Variants in PHC2 observed in about 807,000 individuals in gnomAD.
PHC2 encodes polyhomeotic-like protein 2.
In PHC2, 29 loss-of-function variants were observed where a neutral mutation model predicts 87.4. The ratio of observed to expected loss-of-function variants is 0.33; its 90% CI spans 0.25 to 0.45. The LOEUF is 0.45. Ranked by LOEUF, PHC2 falls within the 20% of genes least tolerant of loss-of-function variation. The pLI is 1.00. For synonymous variants in PHC2, 438 were observed against 461.7 expected (o/e 0.95, Z 0.66); for missense variants, 857 against 1,136.7 (o/e 0.75, Z 3.54).
rs1646932802 is a variant in PHC2, at chr1:33,349,920, C to G, written c.1558+4481G>C. ...AATGCGGCGAGTCTGGGACGGCTCC[C>G]GCGGCCGCCTCCGCCGGGGGCGGGG... is the stretch of plus-strand genomic sequence containing the variant. On this transcript the variant is annotated intron_variant, in intron 9 of 14. Transcript: ENST00000683057. The surrounding 1 kb of genome is among the most constrained non-coding windows in gnomAD (Gnocchi z 4.2). The G allele has an allele frequency of 2.1e-6, 2 of 942,508 alleles. No homozygotes were observed. The highest frequency in any genetic ancestry group is 2.5e-6 in the Non-Finnish European group (2 of 794,998). The allele number at this position is 942,508 out of a possible 1,614,324, so 58.4% of individuals were successfully genotyped here.
intron 10 of PHC2, chr1:33,333,811 C>T: frequency 2.6e-6 from 1 of 387,020 alleles, no homozygotes; most frequent in Non-Finnish European, 4.6e-6. Flanking sequence ...CCCTTTTAAC[C>T]AAGGGTTCAC....
chr1:33,333,614 T>C (rs1404655419), intron 10 of PHC2: 9 of 165,552 alleles, frequency 5.4e-5, no homozygotes, highest in South Asian at 2.8e-4. Flanking sequence ...GAAAACAAGC[T>C]TCAGGTTGTG....
intron 9 of PHC2, among the ~76,000 whole-genome samples, chr1:33,348,746 A>G (rs1646894509): frequency 6.6e-6 from 1 of 152,188 alleles, no homozygotes; most frequent in Non-Finnish European, 1.5e-5. Context: ...AGATGAAAAG[A>G]GTGTGTTCCG....
chr1:33,430,578 G>T (rs1341120268), intron 1 of PHC2, among the ~76,000 whole-genome samples: 1 of 152,092 alleles, frequency 6.6e-6, no homozygotes, highest in Non-Finnish European at 1.5e-5. Context: ...CTCCGCAGGA[G>T]GGGGGTCGGT....
chr1:33,354,909 G>A lies in PHC2; in HGVS notation c.1321C>T (p.Pro441Ser), dbSNP rs769686110. The change falls in exon 8 of 15, where the codon CCC (proline) becomes TCC (serine). Residue 441 changes from proline (P) to serine (S), a missense_variant. Transcript: ENST00000683057. ...TGGAACCTGCGTTGAGGGGTGTGGGGCACGCCCTCGGGATGTCCATTCTGA... is the reference window on the plus strand; with the variant it reads ...TGGAACCTGCGTTGAGGGGTGTGGGACACGCCCTCGGGATGTCCATTCTGA... ...GPQNGHPEGV[P>S]HTPQRRFQHT... 6 of 1,614,166 alleles carry A rather than the reference G, an allele frequency of 3.7e-6. 1 individual carries two copies. The South Asian group carries it at 4.4e-5, about 12-fold the overall frequency.
At chr1:33,426,476 T>C (rs1201229344) in intron 1 of PHC2, among the ~76,000 whole-genome samples, 3 of 152,214 alleles carry the variant, frequency 2.0e-5, no homozygotes, top group Non-Finnish European at 4.4e-5. Flanking sequence ...CAAATGGGTA[T>C]ACCTGACTAC....
intron 4 of PHC2, 140 bp from the exon 5 acceptor site, chr1:33,370,725 G>A: frequency 3.6e-6 from 3 of 834,966 alleles, no homozygotes; most frequent in Non-Finnish European, 5.6e-6. Context: ...CCTTGGCTTT[G>A]GAGCAATCCC....
chr1:33,419,469 C>A (rs1033064472), intron 1 of PHC2, among the ~76,000 whole-genome samples: 1 of 152,188 alleles, frequency 6.6e-6, no homozygotes. Context: ...CCACTCTTTG[C>A]CTCTGTGTTT....
chr1:33,332,877 C>T lies in PHC2; in HGVS notation c.1762-473G>A, dbSNP rs1294435477. ...TGACCCAAGCCAGAGGTACAGGCCG[C>T]CACAGAGTATAGCAGGAAAAAACAG... On this transcript the variant is annotated intron_variant, in intron 10 of 14. Coordinates refer to ENST00000683057, the MANE Select transcript of PHC2 (RefSeq NM_001385109.1). The surrounding 1 kb of genome is among the most constrained non-coding windows in gnomAD (Gnocchi z 4.2). Among the ~76,000 whole-genome samples, 1 of 152,156 alleles carries T rather than the reference C, an allele frequency of 6.6e-6. No homozygotes were observed. The highest frequency in any genetic ancestry group is 1.5e-5 in the Non-Finnish European group (1 of 68,034).
Position 33,324,645 on chromosome 1 carries a change from A to C in PHC2, c.*220T>G. ...GTGCTATCAATATTTACAAGCATAA[A>C]GCCCCATCTTCTGTGCCACCTACCT... On this transcript the variant is annotated 3_prime_UTR_variant, in exon 15 of 15. Coordinates refer to ENST00000683057, the MANE Select transcript of PHC2 (RefSeq NM_001385109.1). 2.1e-6 allele frequency: 1 copy of C among 473,008 alleles called. No individual in the cohort carries two copies. 29.3% of individuals were successfully genotyped at this position (473,008 alleles called of 1,614,324 possible).
intron 6 of PHC2, 92 bp from the exon 7 acceptor site, chr1:33,367,520 G>A: frequency 1.0e-6 from 1 of 997,168 alleles, no homozygotes; most frequent in Non-Finnish European, 1.5e-6. Context: ...ATCCAGGAAT[G>A]GCTGAATAGA....
intron 14 of PHC2, among the ~76,000 whole-genome samples, chr1:33,327,128 T>A (rs1557814916): frequency 6.6e-6 from 1 of 152,182 alleles, no homozygotes. Flanking sequence ...AATGCCACCA[T>A]AAACCCTAGC....
At position 33,323,760 on chromosome 1, in the gene PHC2, G is replaced by A. The variant is rs1053097110; in HGVS notation, c.*1105C>T. 4 of 152,668 alleles carry A rather than the reference G, an allele frequency of 2.6e-5. No individual in the cohort carries two copies. The highest frequency in any genetic ancestry group is 4.8e-5 in the African/African-American group (2 of 41,462). 9.5% of individuals were successfully genotyped at this position (152,668 alleles called of 1,614,324 possible). On this transcript the variant is annotated 3_prime_UTR_variant, in exon 15 of 15. Transcript: ENST00000683057. The stretch of plus-strand genomic sequence containing the variant: ...CCTACCTCCTTCCTGCAAAGGACAC[G>A]GCAGGTCAGAGGCAGGCCCTCGCCC...
At chr1:33,404,807 A>G (rs977510234) in intron 1 of PHC2, among the ~76,000 whole-genome samples, 19 of 152,236 alleles carry the variant, frequency 1.2e-4, no homozygotes, top group Non-Finnish European at 2.6e-4. Context: ...GATATGAAGA[A>G]TAACAGGTTG....
At chr1:33,386,219 A>AT (rs1648739214) in intron 1 of PHC2, among the ~76,000 whole-genome samples, 1 of 151,944 alleles carries the variant, frequency 6.6e-6, no homozygotes, top group Non-Finnish European at 1.5e-5. Context: ...AAAGACTGCT[A>AT]TAAAAAAAAG....
In PHC2 at chr1:33,372,624, G is replaced by A. The variant is rs141109167; in HGVS notation, c.175-177C>T. 3.8e-3 allele frequency among the ~76,000 whole-genome samples: 569 copies of A among 151,316 alleles called. 5 individuals carry two copies. Among genetic ancestry groups the A allele is most frequent in the African/African-American group, 0.013 (539 of 40,766 alleles). On this transcript the variant is annotated intron_variant, in intron 2 of 14. Coordinates refer to ENST00000683057, the MANE Select transcript of PHC2 (RefSeq NM_001385109.1). Reference sequence around the variant, plus strand: ...TAGGGCAGTGGGAGGACAGCTGTTCGCAGAGCTTCTTCATCATGTCTAACT... The same window carrying A: ...TAGGGCAGTGGGAGGACAGCTGTTCACAGAGCTTCTTCATCATGTCTAACT...
At chr1:33,414,160 T>C (rs192610808) in intron 1 of PHC2, among the ~76,000 whole-genome samples, 2 of 147,194 alleles carry the variant, frequency 1.4e-5, no homozygotes, top group Non-Finnish European at 1.5e-5. Context: ...TGTTTACATA[T>C]GTATTCTCTC....
At chr1:33,420,400 GA>G (rs1650387859) in intron 1 of PHC2, among the ~76,000 whole-genome samples, 1 of 152,104 alleles carries the variant, frequency 6.6e-6, no homozygotes, top group Admixed American at 6.5e-5. Context: ...TAAGAATCAA[GA>G]AGATAAAGAG....
chr1:33,328,237 G>A (rs931407704), intron 14 of PHC2, among the ~76,000 whole-genome samples: 6 of 151,916 alleles, frequency 3.9e-5, no homozygotes, highest in Admixed American at 1.3e-4. Context: ...GCTCCACCAC[G>A]CAGGGCTCTG....
Sources: allele counts gnomAD v4.1 joint callset (sites outside exome capture counted in the v4.1 genomes callset), GRCh38; gene constraint gnomAD v4.1.1; non-coding constraint Gnocchi (gnomAD v3.1); transcripts MANE v1.5; gene names NCBI Gene and HGNC (gene_info 2026-07-23, HGNC 2026-07-21).